Variants in RYR3 observed in about 807,000 individuals in gnomAD.
RYR3 encodes brain ryanodine receptor-calcium release channel.
Under a neutral mutation model 584.3 loss-of-function variants are expected in RYR3, and 207 were observed. That is an observed-to-expected ratio of 0.35 (90% CI 0.32 to 0.40). The LOEUF (loss-of-function observed/expected upper bound fraction) is 0.40, where lower values mean the gene tolerates loss of function less well. Among genes scored for constraint, RYR3 ranks in the 10% least tolerant of loss-of-function variants. RYR3 has a pLI of 1.00. For synonymous variants in RYR3, 2,416 were observed against 2,248.5 expected (o/e 1.07, Z -2.11); for missense variants, 5,616 against 6,089.2 (o/e 0.92, Z 2.59).
At chr15:33,656,905 GA>G (rs74446302) in intron 32 of RYR3, among the ~76,000 whole-genome samples, 25,806 of 152,154 alleles carry the variant, frequency 0.17, 2,817 homozygotes, top group East Asian at 0.23. Flanking sequence ...CATGCAATTT[GA>G]AAAGGCCAAC....
intron 63 of RYR3, among the ~76,000 whole-genome samples, chr15:33,773,328 A>G (rs1289503591): frequency 6.6e-6 from 1 of 152,190 alleles, no homozygotes; most frequent in Non-Finnish European, 1.5e-5. Flanking sequence ...GGGATTGCTC[A>G]GTGGAGGATT....
intron 93 of RYR3, among the ~76,000 whole-genome samples, chr15:33,846,487 C>T (rs1395023053): frequency 1.3e-5 from 2 of 152,184 alleles, no homozygotes; most frequent in South Asian, 4.1e-4. Context: ...GTTTTTCTCA[C>T]TGCTTTTCTC....
chr15:33,454,074 A>G (rs74770601), intron 1 of RYR3, among the ~76,000 whole-genome samples: 1 of 152,216 alleles, frequency 6.6e-6, no homozygotes, highest in Non-Finnish European at 1.5e-5. Context: ...GCTGGAGGCT[A>G]TCCTTCTGGT....
At chr15:33,669,536 G>A in intron 37 of RYR3, 80 bp downstream of exon 37, 1 of 1,229,330 alleles carries the variant, frequency 8.1e-7, no homozygotes, top group Non-Finnish European at 1.2e-6. Context: ...AAGCTAGTGG[G>A]AGGTTGGGAA....
chr15:33,760,165 C>T (rs1043778996), intron 60 of RYR3, among the ~76,000 whole-genome samples: 3 of 152,176 alleles, frequency 2.0e-5, no homozygotes, highest in Non-Finnish European at 4.4e-5. Flanking sequence ...AAAACCAGTA[C>T]CAGCCACTGC....
chr15:33,312,207 C>A (rs1184130569), intron 1 of RYR3, among the ~76,000 whole-genome samples: 1 of 152,234 alleles, frequency 6.6e-6, no homozygotes, highest in African/African-American at 2.4e-5. Context: ...CCCTCTCTCA[C>A]TTCCCTTTAA....
chr15:33,841,986 TCACAGC>T lies in RYR3; in HGVS notation c.13163_13168del (p.Thr4388_Ala4389del). 1 of 1,603,962 alleles carries T rather than the reference TCACAGC, an allele frequency of 6.2e-7. No individual in the cohort carries two copies. Among genetic ancestry groups the T allele is most frequent in the Non-Finnish European group, 8.5e-7 (1 of 1,175,120 alleles). On this transcript the variant is annotated inframe_deletion, in exon 91 of 104. Transcript: ENST00000634891. ...CAGAAGGTTGAGAAGCCGGAAGCTT[TCACAGC>T]CAATTTCTTTAAAGGGCTGGAAATC...
In RYR3 at chr15:33,554,420, C is replaced by T. The variant is rs369786540; in HGVS notation, c.972+4104C>T. Among the ~76,000 whole-genome samples, 589 of 152,064 alleles carry T rather than the reference C, an allele frequency of 3.9e-3. 4 individuals are homozygous for T. The highest frequency in any genetic ancestry group is 0.013 in the African/African-American group (557 of 41,456). On this transcript the variant is annotated intron_variant, in intron 10 of 103. Coordinates refer to ENST00000634891, the MANE Select transcript of RYR3 (RefSeq NM_001036.6). The stretch of plus-strand genomic sequence containing the variant: ...ACGCCATTCTCCTGCCTCAGCCTCC[C>T]GAGTAGCTGGGACTACAGGCACCCA...
rs1364724073 is a variant in RYR3, at chr15:33,789,622, TTTTATATA to T, written c.9830+1166_9830+1173del. Reference sequence around the variant, plus strand: ...GTTATATGCATGTTACCAGGTTTTATTTTATATATATATATATATATATATATATATAT... The same window carrying T: ...GTTATATGCATGTTACCAGGTTTTATTATATATATATATATATATATATAT... On this transcript the variant is annotated intron_variant, in intron 67 of 103. Coordinates refer to ENST00000634891, the MANE Select transcript of RYR3 (RefSeq NM_001036.6). 5.1e-3 allele frequency among the ~76,000 whole-genome samples: 166 copies of T among 32,388 alleles called. 11 individuals carry two copies. The highest frequency in any genetic ancestry group is 0.016 in the East Asian group (7 of 426). 21.2% of individuals were successfully genotyped at this position (32,388 alleles called of 152,430 possible). A position where few individuals can be genotyped will look rare whatever the true frequency, so the allele number is the denominator to read the frequency against.
chr15:33,565,721 C>T (rs1315337614), intron 11 of RYR3, among the ~76,000 whole-genome samples: 1 of 152,106 alleles, frequency 6.6e-6, no homozygotes, highest in Non-Finnish European at 1.5e-5. Context: ...CAGGATCAAA[C>T]TAACCTTGAC....
At chr15:33,703,047 T>C (rs2066422775) in intron 42 of RYR3, among the ~76,000 whole-genome samples, 1 of 152,098 alleles carries the variant, frequency 6.6e-6, no homozygotes, top group Admixed American at 6.5e-5. Context: ...AACACAGATT[T>C]ACCACTCACG....
intron 32 of RYR3, among the ~76,000 whole-genome samples, chr15:33,654,293 T>A (rs778677687): frequency 7.2e-5 from 11 of 152,010 alleles, no homozygotes; most frequent in Non-Finnish European, 1.2e-4. Flanking sequence ...GGCAGACAGA[T>A]CATTTGAGCT....
chr15:33,377,392 A>G (rs1429715059), intron 1 of RYR3, among the ~76,000 whole-genome samples: 2 of 152,294 alleles, frequency 1.3e-5, no homozygotes, highest in Middle Eastern at 3.4e-3. Context: ...ACACTGAAGG[A>G]TGTTTTAAGT....
chr15:33,666,190 AG>A (rs2063485008), intron 36 of RYR3, among the ~76,000 whole-genome samples: 1 of 152,048 alleles, frequency 6.6e-6, no homozygotes, highest in South Asian at 2.1e-4. Flanking sequence ...TTTTTAGTAG[AG>A]GGGTGGGTTT....
At chr15:33,758,814 C>G (rs983388884) in intron 60 of RYR3, among the ~76,000 whole-genome samples, 1 of 152,244 alleles carries the variant, frequency 6.6e-6, no homozygotes, top group Non-Finnish European at 1.5e-5. Flanking sequence ...ACTGCCTCCT[C>G]AAGTGGGTCC....
chr15:33,354,270 G>A (rs995926923), intron 1 of RYR3, among the ~76,000 whole-genome samples: 5 of 152,156 alleles, frequency 3.3e-5, no homozygotes, highest in Admixed American at 2.6e-4. Flanking sequence ...AAAGAACCAT[G>A]TAGTAAGATG....
In RYR3 at chr15:33,858,244, G is replaced by A. The variant is rs887385336; in HGVS notation, c.14142+330G>A. The stretch of plus-strand genomic sequence containing the variant: ...TTTGAGATGGAGTTTTGCTTTTGTC[G>A]CCCAGGCTGGAGTGCAATGGCGTCA... On this transcript the variant is annotated intron_variant, in intron 99 of 103. Coordinates refer to ENST00000634891, the MANE Select transcript of RYR3 (RefSeq NM_001036.6). The A allele has an allele frequency of 7.2e-5, 17 of 235,250 alleles. No individual in the cohort carries two copies. In the East Asian group the frequency reaches 8.6e-4, roughly 12 times the overall value. 14.6% of individuals were successfully genotyped at this position (235,250 alleles called of 1,614,324 possible). A position where few individuals can be genotyped will look rare whatever the true frequency, so the allele number is the denominator to read the frequency against.
chr15:33,378,740 G>A (rs1281614859), intron 1 of RYR3, among the ~76,000 whole-genome samples: 2 of 152,188 alleles, frequency 1.3e-5, no homozygotes, highest in Non-Finnish European at 2.9e-5. Context: ...AAGGCAGGAG[G>A]CCTGCTTGAG....
intron 1 of RYR3, among the ~76,000 whole-genome samples, chr15:33,404,580 C>A (rs1350582005): frequency 7.1e-6 from 1 of 140,078 alleles, no homozygotes; most frequent in Non-Finnish European, 1.5e-5. Flanking sequence ...TTACTATTTA[C>A]TACTGTGTGT....
Sources: allele counts gnomAD v4.1 joint callset (sites outside exome capture counted in the v4.1 genomes callset), GRCh38; gene constraint gnomAD v4.1.1; transcripts MANE v1.5; gene names NCBI Gene and HGNC (gene_info 2026-07-23, HGNC 2026-07-21).